Variants in GLI2 observed in about 807,000 individuals in gnomAD.
The protein encoded by GLI2 is transcription activator GLI2.
In GLI2, 22 loss-of-function variants were observed where a neutral mutation model predicts 78.9. The ratio of observed to expected loss-of-function variants is 0.28; its 90% CI spans 0.20 to 0.40. The LOEUF is 0.40. GLI2 is among the 10% of genes least tolerant of loss of function. The pLI is 1.00. For synonymous variants in GLI2, 974 were observed against 963.7 expected (o/e 1.01, Z -0.20); for missense variants, 2,097 against 2,213.2 (o/e 0.95, Z 1.05).
At chr2:120,759,520 A>G (rs1041151388) in intron 1 of GLI2, among the ~76,000 whole-genome samples, 12 of 152,194 alleles carry the variant, frequency 7.9e-5, no homozygotes, top group Non-Finnish European at 1.5e-4. Context: ...AAAGAATATT[A>G]CAAAGGATAA....
At chr2:120,850,692 G>A (rs1687364798) in intron 2 of GLI2, among the ~76,000 whole-genome samples, 1 of 152,150 alleles carries the variant, frequency 6.6e-6, no homozygotes, top group Non-Finnish European at 1.5e-5. Context: ...GAGGCTTGAG[G>A]GATTCCAGGG....
rs199843410 is a variant in GLI2 at position 120,990,475 on chromosome 2, C to T, written c.4510C>T (p.His1504Tyr). The change falls in exon 14 of 14, where the codon CAC (histidine) becomes TAC (tyrosine). Residue 1504 changes from histidine (H) to tyrosine (Y), a missense_variant. Coordinates refer to ENST00000361492, the MANE Select transcript of GLI2 (RefSeq NM_001374353.1). Reference protein sequence around the residue: ...DFDAIMDDGDHSSLFSGALSP... With the variant: ...DFDAIMDDGDYSSLFSGALSP... ...CGATGCCATCATGGATGATGGCGAT[C>T]ACTCGAGTTTGTTCTCGGGTGCTCT... is the stretch of plus-strand genomic sequence containing the variant. 6.2e-7 allele frequency: 1 copy of T among 1,614,016 alleles called. No homozygotes were observed. The highest frequency in any genetic ancestry group is 2.2e-5 in the East Asian group (1 of 44,870).
At position 120,827,872 on chromosome 2, in the gene GLI2, C is replaced by T. The variant is rs116610782; in HGVS notation, c.148+30404C>T. 1.7e-3 allele frequency among the ~76,000 whole-genome samples: 256 copies of T among 152,068 alleles called. 1 individual carries two copies. The highest frequency in any genetic ancestry group is 0.012 in the East Asian group (64 of 5,178). On this transcript the variant is annotated intron_variant, in intron 2 of 13. Transcript: ENST00000361492. ...AAGCAGAGTTGTGATTGCCAGGGGC[C>T]GGAGGGAGGAAGGAGTGAGGAGTTC... is the stretch of plus-strand genomic sequence containing the variant.
chr2:120,934,429 C>G (rs890944302), intron 3 of GLI2, among the ~76,000 whole-genome samples: 2 of 152,250 alleles, frequency 1.3e-5, no homozygotes, highest in African/African-American at 4.8e-5. Flanking sequence ...CACCCCCGAC[C>G]TGACCACTGC....
intron 5 of GLI2, among the ~76,000 whole-genome samples, chr2:120,967,986 CA>C (rs1183212442): frequency 2.0e-5 from 3 of 152,210 alleles, no homozygotes; most frequent in East Asian, 1.9e-4. Flanking sequence ...AATGCCCTAT[CA>C]GGGGGCACTT....
intron 2 of GLI2, among the ~76,000 whole-genome samples, chr2:120,819,326 G>A (rs1205153183): frequency 7.3e-6 from 1 of 136,908 alleles, no homozygotes; most frequent in Non-Finnish European, 1.5e-5. Context: ...TGCAACCTCC[G>A]CCTCCCAGGT....
chr2:120,789,409 A>C (rs372984974), intron 1 of GLI2, among the ~76,000 whole-genome samples: 1 of 151,750 alleles, frequency 6.6e-6, no homozygotes. Flanking sequence ...TTGCTCATGC[A>C]GTTCCCAGAC....
Position 120,850,217 on chromosome 2 carries a change from A to G in GLI2, c.148+52749A>G, listed in dbSNP as rs1687331006. ...GTGTGCCCAGCACTTTAAAAGAAAA[A>G]AAATAATTTAGACATGTGATTGTAA... On this transcript the variant is annotated intron_variant, in intron 2 of 13. Coordinates refer to ENST00000361492, the MANE Select transcript of GLI2 (RefSeq NM_001374353.1). Among the ~76,000 whole-genome samples, 4 of 152,234 alleles carry G rather than the reference A, an allele frequency of 2.6e-5. No individual in the cohort carries two copies. In the South Asian group the frequency reaches 8.3e-4, roughly 32 times the overall value.
chr2:120,797,923 G>C (rs1300437231), intron 2 of GLI2, among the ~76,000 whole-genome samples: 1 of 152,198 alleles, frequency 6.6e-6, no homozygotes, highest in African/African-American at 2.4e-5. Flanking sequence ...TACTATCTTA[G>C]GTGAATTTTT....
At chr2:120,961,629 C>T (rs895681651) in intron 5 of GLI2, among the ~76,000 whole-genome samples, 3 of 152,192 alleles carry the variant, frequency 2.0e-5, no homozygotes, top group Non-Finnish European at 4.4e-5. Flanking sequence ...GCTTGCTACT[C>T]CCCCATCAGA....
chr2:120,794,050 AC>A (rs1228138539), intron 1 of GLI2, among the ~76,000 whole-genome samples: 2 of 152,162 alleles, frequency 1.3e-5, no homozygotes, highest in Admixed American at 1.3e-4. Context: ...CCTTCTAGTT[AC>A]CAGCTTGAGC....
Position 120,989,004 on chromosome 2 carries a change from C to G in GLI2, c.3039C>G (p.Ser1013Arg). Residue 1013 changes from serine to arginine, a missense_variant, in exon 14 of 14, where the codon AGC becomes AGG. Physicochemically the swap from Ser to Arg is moderately radical, Grantham distance 110. Around this residue, in one of 5 missense-constraint regions of GLI2, gnomAD observed 1,290 missense variants for 1,261.7 expected, o/e 1.02. Coordinates refer to ENST00000361492, the MANE Select transcript of GLI2 (RefSeq NM_001374353.1). ...ARGAYSPRPP[S>R]ISENVAMEAV... ...GCGCCTACTCGCCCCGGCCGCCTAG[C>G]ATCAGCGAGAACGTGGCGATGGAGG... The G allele has an allele frequency of 6.3e-7, 1 of 1,598,044 alleles. No homozygotes were observed. Among genetic ancestry groups the G allele is most frequent in the Non-Finnish European group, 8.5e-7 (1 of 1,176,482 alleles).
chr2:120,757,407 G>A (rs1375947601), intron 1 of GLI2, among the ~76,000 whole-genome samples: 2 of 152,166 alleles, frequency 1.3e-5, no homozygotes, highest in African/African-American at 4.8e-5. Flanking sequence ...CCAGAGCCTA[G>A]GGCTAATTAT....
At chr2:120,985,323 G>C (rs894721787) in intron 12 of GLI2, among the ~76,000 whole-genome samples, 4 of 152,188 alleles carry the variant, frequency 2.6e-5, no homozygotes, top group Non-Finnish European at 5.9e-5. Flanking sequence ...CTAGGCCCAG[G>C]CAGGTGGGCC....
chr2:120,815,007 G>A lies in GLI2; in HGVS notation c.148+17539G>A, dbSNP rs148529498. 1.0e-3 allele frequency among the ~76,000 whole-genome samples: 157 copies of A among 152,222 alleles called. No individual in the cohort carries two copies. The South Asian group carries it at 0.02, about 19-fold the overall frequency. ...CCTGTCCTGTCCTGTTGATGCCAGC[G>A]TCCACGGGCCTGAGACAGGGAGAGG... is the stretch of plus-strand genomic sequence containing the variant. On this transcript the variant is annotated intron_variant, in intron 2 of 13. Coordinates refer to ENST00000361492, the MANE Select transcript of GLI2 (RefSeq NM_001374353.1).
At chr2:120,780,509 G>A (rs938829428) in intron 1 of GLI2, among the ~76,000 whole-genome samples, 71 of 152,348 alleles carry the variant, frequency 4.7e-4, no homozygotes, top group African/African-American at 1.6e-3. Flanking sequence ...TTCCAGCAGC[G>A]TGGGGTGTGT....
intron 1 of GLI2, among the ~76,000 whole-genome samples, chr2:120,744,349 A>C (rs1682638720): frequency 6.6e-6 from 1 of 151,664 alleles, no homozygotes; most frequent in Non-Finnish European, 1.5e-5. Flanking sequence ...GTGAGGGGAC[A>C]TCTCTGGTGC....
chr2:120,923,286 C>T (rs1294963386), intron 2 of GLI2, among the ~76,000 whole-genome samples: 4 of 6,546 alleles, frequency 6.1e-4, no homozygotes, highest in African/African-American at 8.9e-4. Flanking sequence ...ATGTACAACA[C>T]ACACATACAC....
At chr2:120,804,979 C>G (rs58491073) in intron 2 of GLI2, among the ~76,000 whole-genome samples, 1 of 152,186 alleles carries the variant, frequency 6.6e-6, no homozygotes, top group Non-Finnish European at 1.5e-5. Context: ...CTCTGAGATT[C>G]GTGCAGTGGC....
Sources: gnomAD v4.1 joint callset for allele counts (sites outside exome capture counted in the v4.1 genomes callset) on GRCh38, gnomAD v4.1.1 for gene constraint, gnomAD v4.1.1 regional missense constraint, MANE v1.5 for transcripts, NCBI Gene and HGNC (gene_info 2026-07-23, HGNC 2026-07-21) for gene names.